CPA6: variants seen among roughly 807,000 people sequenced by gnomAD.
The protein encoded by CPA6 is carboxypeptidase B.
CPA6 carries 58 observed loss-of-function variants against 63.3 expected under a neutral mutation model. The ratio of observed to expected loss-of-function variants is 0.92; its 90% CI spans 0.74 to 1.14. The LOEUF is 1.14. Among genes scored for constraint, CPA6 ranks in the 50% most tolerant of loss-of-function variants. The probability of loss-of-function intolerance (pLI) is 0.00; values close to 1 mark genes in which losing one functional copy is unlikely to be tolerated. For missense variants in CPA6, 565 were observed against 526.6 expected, an observed-to-expected ratio of 1.07 and a Z score of -0.71; for synonymous variants, 185 against 179.0, an observed-to-expected ratio of 1.03 and a Z score of -0.27.
At chr8:67,738,027 A>G (rs1414870844) in intron 1 of CPA6, among the ~76,000 whole-genome samples, 2 of 152,200 alleles carry the variant, frequency 1.3e-5, no homozygotes, top group Non-Finnish European at 2.9e-5. Flanking sequence ...TTATAGAAGA[A>G]AAAATGCACA....
chr8:67,631,599 G>A (rs2128988184), intron 1 of CPA6, among the ~76,000 whole-genome samples: 1 of 152,344 alleles, frequency 6.6e-6, no homozygotes. Context: ...TCAGCAGGAT[G>A]TGGGTGGGGC....
intron 2 of CPA6, among the ~76,000 whole-genome samples, chr8:67,524,043 C>G (rs1450829115): frequency 6.6e-6 from 1 of 152,198 alleles, no homozygotes; most frequent in Non-Finnish European, 1.5e-5. Context: ...TTTAGACAAT[C>G]ATATCAATTC....
At chr8:67,623,358 A>T (rs1223792875) in intron 2 of CPA6, among the ~76,000 whole-genome samples, 2 of 152,200 alleles carry the variant, frequency 1.3e-5, no homozygotes, top group Non-Finnish European at 2.9e-5. Context: ...TGAAATTTAC[A>T]TTCTACCTTG....
intron 2 of CPA6, among the ~76,000 whole-genome samples, chr8:67,566,406 A>C (rs1813337981): frequency 6.6e-6 from 1 of 152,176 alleles, no homozygotes; most frequent in African/African-American, 2.4e-5. Flanking sequence ...CCACTTTCTC[A>C]ATGCCAATGG....
At chr8:67,545,831 G>A (rs1293609380) in intron 2 of CPA6, among the ~76,000 whole-genome samples, 1 of 152,052 alleles carries the variant, frequency 6.6e-6, no homozygotes, top group East Asian at 1.9e-4. Context: ...CCAAAGTGCT[G>A]GGATTACAGG....
At chr8:67,498,568 C>T (rs916769944) in intron 6 of CPA6, among the ~76,000 whole-genome samples, 10 of 140,260 alleles carry the variant, frequency 7.1e-5, no homozygotes, top group East Asian at 2.1e-4. Context: ...AAAAAATTAA[C>T]GCCAAAAGGG....
chr8:67,555,777 T>C (rs1813046390), intron 2 of CPA6, among the ~76,000 whole-genome samples: 1 of 152,170 alleles, frequency 6.6e-6, no homozygotes, highest in Admixed American at 6.5e-5. Context: ...TGAATTGGAT[T>C]GTTGGACAAG....
intron 2 of CPA6, among the ~76,000 whole-genome samples, chr8:67,548,182 C>T (rs1321190354): frequency 3.3e-5 from 4 of 122,652 alleles, no homozygotes; most frequent in Admixed American, 9.9e-5. Context: ...TCCTTTCCTT[C>T]CCTTTCCTTC....
At chr8:67,624,978 G>A (rs928329739) in intron 1 of CPA6, among the ~76,000 whole-genome samples, 8 of 152,118 alleles carry the variant, frequency 5.3e-5, no homozygotes, top group African/African-American at 1.9e-4. Context: ...ATCAGGTGCT[G>A]CAGCCAGGGA....
intron 6 of CPA6, among the ~76,000 whole-genome samples, chr8:67,501,939 C>T (rs1811837142): frequency 6.6e-6 from 1 of 152,264 alleles, no homozygotes; most frequent in Admixed American, 6.5e-5. Context: ...TATTCAAATT[C>T]TCTACTTTCT....
intron 1 of CPA6, among the ~76,000 whole-genome samples, chr8:67,648,867 A>G (rs569888801): frequency 8.5e-5 from 13 of 152,328 alleles, no homozygotes; most frequent in African/African-American, 2.9e-4. Context: ...AATATCATCA[A>G]TGAAACTGGG....
rs531622781 is a variant in CPA6 at position 67,544,647 on chromosome 8, C to T, written c.193-26600G>A. On this transcript the variant is annotated intron_variant, in intron 2 of 10. Coordinates refer to ENST00000297770, the MANE Select transcript of CPA6 (RefSeq NM_020361.5). ...TTTCTTGAGACATCATGCTGCTTTA[C>T]GCTTTGCTAAATGTCTAATTCATAT... Among the ~76,000 whole-genome samples, 11 of 152,306 alleles carry T rather than the reference C, an allele frequency of 7.2e-5. No individual in the cohort carries two copies. The South Asian group carries it at 1.9e-3, about 26-fold the overall frequency.
intron 2 of CPA6, among the ~76,000 whole-genome samples, chr8:67,539,010 G>A (rs146127760): frequency 1.3e-5 from 2 of 152,234 alleles, no homozygotes; most frequent in Admixed American, 6.5e-5. Flanking sequence ...TATGATTAAT[G>A]ATGTTATGTG....
chr8:67,640,715 G>A (rs1300410147), intron 1 of CPA6, among the ~76,000 whole-genome samples: 1 of 151,412 alleles, frequency 6.6e-6, no homozygotes, highest in Non-Finnish European at 1.5e-5. Context: ...GAAAGAGGCG[G>A]CCCTTCAGCT....
At chr8:67,466,019 A>C (rs1317236358) in intron 8 of CPA6, among the ~76,000 whole-genome samples, 1 of 150,996 alleles carries the variant, frequency 6.6e-6, no homozygotes, top group Non-Finnish European at 1.5e-5. Context: ...GAATAGTTTC[A>C]GTAGAATTGG....
chr8:67,736,745 T>C (rs1817819960), intron 1 of CPA6, among the ~76,000 whole-genome samples: 1 of 152,206 alleles, frequency 6.6e-6, no homozygotes, highest in Admixed American at 6.5e-5. Flanking sequence ...TAGAGGTCTC[T>C]CTTGAGCTTC....
chr8:67,669,589 G>A (rs1220610689), intron 1 of CPA6, among the ~76,000 whole-genome samples: 1 of 152,150 alleles, frequency 6.6e-6, no homozygotes. Flanking sequence ...CTATTAATTA[G>A]TATTGTAATC....
intron 2 of CPA6, among the ~76,000 whole-genome samples, chr8:67,607,310 T>A: frequency 6.7e-6 from 1 of 149,300 alleles, no homozygotes; most frequent in Non-Finnish European, 1.5e-5. Context: ...CTGGCCCCCA[T>A]GCCTTTCCAC....
At chr8:67,607,231 C>CTTCTTCTTCTTCTTCTTCTTCTTG (rs1564021415) in intron 2 of CPA6, among the ~76,000 whole-genome samples, 1 of 117,274 alleles carries the variant, frequency 8.5e-6, no homozygotes, top group East Asian at 2.6e-4. Flanking sequence ...TCTTCTTCTT[C>CTTCTTCTTCTTCTTCTTCTTCTTG]TTCTTCTTCT....
Sources: gnomAD v4.1 joint callset for allele counts (sites outside exome capture counted in the v4.1 genomes callset) on GRCh38, gnomAD v4.1.1 for gene constraint, MANE v1.5 for transcripts, NCBI Gene and HGNC (gene_info 2026-07-23, HGNC 2026-07-21) for gene names.